Variants in FRMD5 observed in about 807,000 individuals in gnomAD.
FRMD5 encodes FERM domain-containing protein 5.
Under a neutral mutation model 69.0 loss-of-function variants are expected in FRMD5, and 20 were observed. The observed-to-expected ratio is 0.29, with a 90% CI of 0.20 to 0.42. FRMD5 has a LOEUF of 0.42. FRMD5 is among the 10% of genes least tolerant of loss of function. The pLI is 1.00. For missense variants in FRMD5, 595 were observed against 708.6 expected, an observed-to-expected ratio of 0.84 and a Z score of 1.82; for synonymous variants, 271 against 260.1, an observed-to-expected ratio of 1.04 and a Z score of -0.40.
At chr15:43,990,166 T>C in intron 1 of FRMD5, 1 of 560,962 alleles carries the variant, frequency 1.8e-6, no homozygotes, top group South Asian at 1.6e-5. Context: ...ACGACAAGCA[T>C]GGTGATATCA....
chr15:44,002,406 A>C (rs886485166), intron 1 of FRMD5, among the ~76,000 whole-genome samples: 1 of 152,170 alleles, frequency 6.6e-6, no homozygotes, highest in African/African-American at 2.4e-5. Flanking sequence ...CAAAGGGTTC[A>C]TTCTGTAGCA....
At chr15:43,946,199 C>G (rs1294489421) in intron 1 of FRMD5, among the ~76,000 whole-genome samples, 4 of 152,158 alleles carry the variant, frequency 2.6e-5, no homozygotes, top group Admixed American at 6.5e-5. Context: ...CTTGACTGTT[C>G]TAAATCTGCA....
intron 1 of FRMD5, among the ~76,000 whole-genome samples, chr15:43,943,542 C>A (rs959528732): frequency 6.6e-6 from 1 of 152,178 alleles, no homozygotes; most frequent in African/African-American, 2.4e-5. Context: ...GAAATAAAGT[C>A]TTTGCAGATG....
rs2076699633 is a variant in FRMD5 at position 44,105,214 on chromosome 15, C to G, written c.102+89739G>C. ...ACCTCAGCCTCTTGAGTAGCTGGGA[C>G]CACAAGCGCGCAACACCTCGCCCAG... On this transcript the variant is annotated intron_variant, in intron 1 of 13. Coordinates refer to ENST00000417257, the MANE Select transcript of FRMD5 (RefSeq NM_032892.5). Among the ~76,000 whole-genome samples, 4 of 151,654 alleles carry G rather than the reference C, an allele frequency of 2.6e-5. No homozygotes were observed. In the South Asian group the frequency reaches 8.3e-4, roughly 32 times the overall value.
intron 1 of FRMD5, among the ~76,000 whole-genome samples, chr15:44,149,588 C>T (rs1445475504): frequency 6.6e-6 from 1 of 151,944 alleles, no homozygotes; most frequent in African/African-American, 2.4e-5. Flanking sequence ...TATATAGTCA[C>T]CATAAGAGAG....
At chr15:44,062,903 A>T (rs891220806) in intron 1 of FRMD5, among the ~76,000 whole-genome samples, 3 of 151,926 alleles carry the variant, frequency 2.0e-5, no homozygotes, top group Admixed American at 1.3e-4. Flanking sequence ...TACCTTTGTT[A>T]AAAAAAATCA....
intron 1 of FRMD5, among the ~76,000 whole-genome samples, chr15:44,163,105 C>G (rs982768399): frequency 6.6e-6 from 1 of 152,042 alleles, no homozygotes; most frequent in Non-Finnish European, 1.5e-5. Flanking sequence ...ACCCGAGAGG[C>G]GGAGCTTGCA....
chr15:44,164,328 T>C (rs755511869), intron 1 of FRMD5, among the ~76,000 whole-genome samples: 6 of 152,210 alleles, frequency 3.9e-5, no homozygotes, highest in Non-Finnish European at 7.3e-5. Context: ...TTTCCAACTT[T>C]TATGGATTCA....
chr15:44,014,979 A>G (rs1309546022), intron 1 of FRMD5, among the ~76,000 whole-genome samples: 1 of 152,158 alleles, frequency 6.6e-6, no homozygotes, highest in East Asian at 1.9e-4. Context: ...GGTTTATTAA[A>G]TATCAGTAAA....
chr15:44,031,255 A>G (rs954691195), intron 1 of FRMD5, among the ~76,000 whole-genome samples: 10 of 151,988 alleles, frequency 6.6e-5, no homozygotes, highest in Non-Finnish European at 7.4e-5. Context: ...CACAGGGGAG[A>G]AAAAAAAGCC....
chr15:44,050,739 C>A (rs1892628192), intron 1 of FRMD5, among the ~76,000 whole-genome samples: 1 of 151,642 alleles, frequency 6.6e-6, no homozygotes, highest in African/African-American at 2.4e-5. Context: ...CTCACTGCAA[C>A]CTCTGCCTCA....
At chr15:44,185,604 C>A (rs955064917) in intron 1 of FRMD5, among the ~76,000 whole-genome samples, 1 of 151,922 alleles carries the variant, frequency 6.6e-6, no homozygotes, top group African/African-American at 2.4e-5. Flanking sequence ...ACCAGCCTAG[C>A]CAACATGGTG....
At chr15:43,889,894 G>A (rs1397227851) in intron 8 of FRMD5, among the ~76,000 whole-genome samples, 1 of 152,014 alleles carries the variant, frequency 6.6e-6, no homozygotes, top group African/African-American at 2.4e-5. Flanking sequence ...GCTTTTTTTT[G>A]TAATTTCTAA....
intron 1 of FRMD5, among the ~76,000 whole-genome samples, chr15:44,028,267 C>T (rs1285344529): frequency 6.6e-6 from 1 of 152,116 alleles, no homozygotes; most frequent in Non-Finnish European, 1.5e-5. Context: ...TTCCATCCAA[C>T]TATAACTGCC....
intron 1 of FRMD5, among the ~76,000 whole-genome samples, chr15:43,972,541 G>A (rs1395907976): frequency 6.6e-6 from 1 of 152,070 alleles, no homozygotes; most frequent in East Asian, 1.9e-4. Context: ...CTATAAAAAG[G>A]TACCTCTTCC....
Position 44,195,018 on chromosome 15 carries a change from G to A in FRMD5, c.37C>T (p.Leu13=). The change falls in exon 1 of 14, where the codon CTG becomes TTG. Residue 13 remains leucine (L), a synonymous_variant. Transcript: ENST00000417257. ...ACGGTGCAGCTGTACTCGCGCTCCAGGCTCCTGCTGCTGCCGCTCATCAAC... is the reference window on the plus strand; with the variant it reads ...ACGGTGCAGCTGTACTCGCGCTCCAAGCTCCTGCTGCTGCCGCTCATCAAC... ...SRLMSGSSRS[L]EREYSCTVRL... The A allele has an allele frequency of 6.4e-7, 1 of 1,558,072 alleles. No individual in the cohort carries two copies.
chr15:44,082,278 A>G (rs1181578584), intron 1 of FRMD5, among the ~76,000 whole-genome samples: 1 of 151,988 alleles, frequency 6.6e-6, no homozygotes, highest in Non-Finnish European at 1.5e-5. Context: ...CTAATCGAGA[A>G]TAAGTCTGCA....
chr15:43,978,237 G>T (rs1319907308), intron 1 of FRMD5, among the ~76,000 whole-genome samples: 2 of 152,042 alleles, frequency 1.3e-5, no homozygotes. Flanking sequence ...TTAGTCATTA[G>T]CAAAATACAA....
At position 43,905,915 on chromosome 15, in the gene FRMD5, T is replaced by G; in HGVS notation, c.464A>C (p.Glu155Ala). The change falls in exon 6 of 14, where the codon GAA (glutamate) becomes GCA (alanine). Residue 155 changes from glutamate to alanine, a missense_variant. Glu to Ala is a moderately radical substitution (Grantham distance 107, BLOSUM62 -1). This residue lies in a region of FRMD5 where 51 missense variants were observed against 41.7 expected (regional missense o/e 1.22). Coordinates refer to ENST00000417257, the MANE Select transcript of FRMD5 (RefSeq NM_032892.5). ...AAACTGGAACTTGGAGCTGTAGCCT[T>G]CAGGGTGTTTCCCTGAGTCATAATC... ...IGDYDSGKHP[E>A]GYSSKFQFFP... 6.2e-7 allele frequency: 1 copy of G among 1,614,242 alleles called. No individual in the cohort carries two copies.
Sources: gnomAD v4.1 joint callset for allele counts (sites outside exome capture counted in the v4.1 genomes callset) on GRCh38, gnomAD v4.1.1 for gene constraint, gnomAD v4.1.1 regional missense constraint, MANE v1.5 for transcripts, NCBI Gene and HGNC (gene_info 2026-07-23, HGNC 2026-07-21) for gene names.